ANK3: variants seen among roughly 807,000 people sequenced by gnomAD.
The protein encoded by ANK3 is ankyrin 3.
In ANK3, 57 loss-of-function variants were observed where a neutral mutation model predicts 370.9. The observed-to-expected ratio is 0.15, with a 90% CI of 0.12 to 0.19. ANK3 has a LOEUF of 0.19. Ranked by LOEUF, ANK3 falls within the 10% of genes least tolerant of loss-of-function variation. The pLI is 1.00. For synonymous variants in ANK3, 1,929 were observed against 1,946.3 expected (o/e 0.99, Z 0.23); for missense variants, 4,439 against 5,302.1 (o/e 0.84, Z 5.06).
intron 30 of ANK3, 171 bp downstream of exon 30, chr10:60,086,506 T>C: frequency 1.8e-6 from 1 of 548,364 alleles, no homozygotes; most frequent in Non-Finnish European, 3.0e-6. Flanking sequence ...CAAGAAATGA[T>C]CCTTGGGAAA....
chr10:60,713,966 A>G (rs115075169), intron 1 of ANK3, among the ~76,000 whole-genome samples: 5,916 of 152,202 alleles, frequency 0.039, 149 homozygotes, highest in Middle Eastern at 0.071. Context: ...GTCTTTGCAA[A>G]GAGCAATAGA....
chr10:60,630,406 C>G lies in ANK3; in HGVS notation c.58-15182G>C, dbSNP rs141051782. 6.6e-5 allele frequency among the ~76,000 whole-genome samples: 10 copies of G among 152,248 alleles called. No individual in the cohort carries two copies. The East Asian group carries it at 1.7e-3, about 26-fold the overall frequency. ...ACCATGTTACCAATTGTTGCTGCAACAGCAAGGTGAACGAGATAGGTAGGT... is the reference window on the plus strand; with the variant it reads ...ACCATGTTACCAATTGTTGCTGCAAGAGCAAGGTGAACGAGATAGGTAGGT... On this transcript the variant is annotated intron_variant, in intron 1 of 43. Transcript: ENST00000373827.
intron 18 of ANK3, among the ~76,000 whole-genome samples, chr10:60,178,770 C>T (rs1048931070): frequency 1.3e-5 from 2 of 152,202 alleles, no homozygotes; most frequent in Non-Finnish European, 2.9e-5. Context: ...GAATCAATGC[C>T]TTTCAGGGGT....
At chr10:60,721,383 A>AG (rs2079861108) in intron 1 of ANK3, among the ~76,000 whole-genome samples, 1 of 152,258 alleles carries the variant, frequency 6.6e-6, no homozygotes, top group Non-Finnish European at 1.5e-5. Flanking sequence ...GGTTGAAAAA[A>AG]TAAGTATAGC....
At chr10:60,694,230 C>G (rs1459810055) in intron 1 of ANK3, among the ~76,000 whole-genome samples, 1 of 152,100 alleles carries the variant, frequency 6.6e-6, no homozygotes, top group African/African-American at 2.4e-5. Flanking sequence ...GCGAAGCCTC[C>G]AAGAAATATG....
At chr10:60,144,238 G>C (rs1255025564) in intron 23 of ANK3, 7 of 440,978 alleles carry the variant, frequency 1.6e-5, no homozygotes, top group Non-Finnish European at 3.2e-5. Context: ...ACAAAAATGA[G>C]AAATGACAAG....
chr10:60,243,791 G>A (rs2097511401), intron 7 of ANK3, among the ~76,000 whole-genome samples: 1 of 152,160 alleles, frequency 6.6e-6, no homozygotes, highest in Non-Finnish European at 1.5e-5. Flanking sequence ...AAAAGACATG[G>A]CGATCTAAAG....
At chr10:60,129,142 C>T (rs530694454) in intron 25 of ANK3, among the ~76,000 whole-genome samples, 1 of 152,218 alleles carries the variant, frequency 6.6e-6, no homozygotes, top group Non-Finnish European at 1.5e-5. Flanking sequence ...AAAACAAATA[C>T]ATTAGATGTT....
At chr10:60,495,292 T>C (rs1040530893) in intron 2 of ANK3, among the ~76,000 whole-genome samples, 2 of 152,202 alleles carry the variant, frequency 1.3e-5, no homozygotes, top group African/African-American at 2.4e-5. Context: ...AGAATGCTAC[T>C]ACTCAAAATG....
chr10:60,536,380 G>T (rs189224835), intron 2 of ANK3, among the ~76,000 whole-genome samples: 4 of 152,156 alleles, frequency 2.6e-5, no homozygotes, highest in Admixed American at 6.6e-5. Context: ...AAGCTGTGTA[G>T]TTACAATGAT....
Position 60,206,719 on chromosome 10 carries a change from T to C in ANK3, c.1195-829A>G, listed in dbSNP as rs949825390. Among the ~76,000 whole-genome samples the C allele has an allele frequency of 3.9e-5, 6 of 152,306 alleles. 1 individual carries two copies. The South Asian group carries it at 8.3e-4, about 21-fold the overall frequency. On this transcript the variant is annotated intron_variant, in intron 10 of 43. Coordinates refer to ENST00000280772, the MANE Select transcript of ANK3 (RefSeq NM_020987.5). ...GTAAATAACCCATTATTTGAATCATTTTGTTTACTATTTAATCTAATAAAA... is the reference window on the plus strand; with the variant it reads ...GTAAATAACCCATTATTTGAATCATCTTGTTTACTATTTAATCTAATAAAA...
chr10:60,313,493 T>A (rs1028124271), intron 1 of ANK3, among the ~76,000 whole-genome samples: 2 of 152,178 alleles, frequency 1.3e-5, no homozygotes, highest in Non-Finnish European at 2.9e-5. Flanking sequence ...AACATATAGA[T>A]CTTCTGCTGT....
At chr10:60,315,920 G>A (rs1241162887) in intron 1 of ANK3, among the ~76,000 whole-genome samples, 3 of 152,140 alleles carry the variant, frequency 2.0e-5, no homozygotes, top group Admixed American at 2.0e-4. Flanking sequence ...TATTCTGATG[G>A]TTATATTTCA....
intron 1 of ANK3, among the ~76,000 whole-genome samples, chr10:60,699,084 C>T (rs12354482): frequency 3.4e-5 from 5 of 147,698 alleles, no homozygotes; most frequent in African/African-American, 5.0e-5. Context: ...GCAATGAGGA[C>T]GCAAAGACAT....
intron 2 of ANK3, chr10:60,615,179 T>C (rs1404361311): frequency 1.2e-5 from 18 of 1,502,726 alleles, no homozygotes; most frequent in Non-Finnish European, 2.7e-6. Flanking sequence ...GTGATAATTT[T>C]CATTACCTTT....
intron 2 of ANK3, among the ~76,000 whole-genome samples, chr10:60,607,613 C>T (rs1032169011): frequency 3.3e-5 from 5 of 152,170 alleles, no homozygotes; most frequent in Non-Finnish European, 7.4e-5. Flanking sequence ...AGGCTGACAT[C>T]TTAATTGCTG....
intron 23 of ANK3, among the ~76,000 whole-genome samples, chr10:60,142,508 TAA>T (rs1554995479): frequency 6.6e-6 from 1 of 151,984 alleles, no homozygotes; most frequent in Non-Finnish European, 1.5e-5. Context: ...ATAATAAATA[TAA>T]GTTATTTTTA....
At chr10:60,081,056 G>A (rs961847137) in intron 35 of ANK3, among the ~76,000 whole-genome samples, 5 of 149,302 alleles carry the variant, frequency 3.3e-5, no homozygotes, top group Admixed American at 6.7e-5. Flanking sequence ...ACAGATGAAT[G>A]GTTTTGTTAG....
At position 60,186,872 on chromosome 10, in the gene ANK3, T is replaced by C. The variant is rs1326509353; in HGVS notation, c.1928A>G (p.Gln643Arg). The C allele has an allele frequency of 1.2e-6, 2 of 1,614,218 alleles. No homozygotes were observed. Among genetic ancestry groups the C allele is most frequent in the Non-Finnish European group, 1.7e-6 (2 of 1,180,028 alleles). The change falls in exon 17 of 44, where the codon CAG becomes CGG. Residue 643 changes from glutamine (Q) to arginine (R), a missense_variant. Around this residue, in one of 13 missense-constraint regions of ANK3, gnomAD observed 192 missense variants for 192.1 expected, o/e 1.00. Coordinates refer to ENST00000280772, the MANE Select transcript of ANK3 (RefSeq NM_020987.5). ...CAGCAGAGTTGTCGCTATGTCCATC[T>C]GGTTCTTTTTGGCAGCGATGTGCAG... ...TPLHIAAKKN[Q>R]MDIATTLLEY...
Sources: allele counts gnomAD v4.1 joint callset (sites outside exome capture counted in the v4.1 genomes callset), GRCh38; gene constraint gnomAD v4.1.1; regional missense constraint gnomAD v4.1.1; transcripts MANE v1.5; gene names NCBI Gene and HGNC (gene_info 2026-07-23, HGNC 2026-07-21).